Variants in PCDHGA11 observed in about 807,000 individuals in gnomAD.
PCDHGA11 encodes the protein protocadherin gamma subfamily A, 11, also known as protocadherin gamma-A11.
PCDHGA11 carries 39 observed loss-of-function variants against 60.4 expected under a neutral mutation model. The observed-to-expected ratio is 0.65, with a 90% confidence interval of 0.50 to 0.84. PCDHGA11 has a LOEUF of 0.84. PCDHGA11 is among the 40% of genes least tolerant of loss of function. The pLI is 0.00. For missense variants in PCDHGA11, 1,165 were observed against 1,197.7 expected (o/e 0.97, Z 0.40); for synonymous variants, 533 against 510.3 (o/e 1.04, Z -0.60).
Position 141,511,334 on chromosome 5 carries a change from C to A in PCDHGA11, c.*161C>A. 7.0e-7 allele frequency: 1 copy of A among 1,438,700 alleles called. No homozygotes were observed. Among genetic ancestry groups the A allele is most frequent in the Non-Finnish European group, 9.2e-7 (1 of 1,083,314 alleles). 89.1% of individuals were successfully genotyped at this position (1,438,700 alleles called of 1,614,324 possible). On this transcript the variant is annotated 3_prime_UTR_variant, in exon 4 of 4. Coordinates refer to ENST00000398587, the MANE Select transcript of PCDHGA11 (RefSeq NM_018914.3). ...GAAACAGAAACAAGTGCCCAGTCAG[C>A]ACCTACCCCTTCCCCCCCAGGGGGT...
Position 141,485,096 on chromosome 5 carries a change from C to T in PCDHGA11, c.2434-9711C>T, listed in dbSNP as rs1166994104. On this transcript the variant is annotated intron_variant, in intron 1 of 3. Coordinates refer to ENST00000398587, the MANE Select transcript of PCDHGA11 (RefSeq NM_018914.3). This position sits in a 1 kb window ranked among gnomAD's most constrained non-coding sequence, Gnocchi z 5.7. The stretch of plus-strand genomic sequence containing the variant: ...CGCGGGGAAAGGGAGATAGGTGTCT[C>T]CAGCTGCTGTGGCTGTTTGGGGCGG... The T allele has an allele frequency of 1.8e-6, 2 of 1,125,566 alleles. No homozygotes were observed. The highest frequency in any genetic ancestry group is 3.1e-5 in the African/African-American group (2 of 64,908). 69.7% of individuals were successfully genotyped at this position (1,125,566 alleles called of 1,614,324 possible).
chr5:141,489,935 T>C lies in PCDHGA11; in HGVS notation c.2434-4872T>C. On this transcript the variant is annotated intron_variant, in intron 1 of 3. Coordinates refer to ENST00000398587, the MANE Select transcript of PCDHGA11 (RefSeq NM_018914.3). The surrounding 1 kb of genome is among the most constrained non-coding windows in gnomAD (Gnocchi z 4.5). ...GGGACCACCCTTATCTCTGTCATCG[T>C]GCTGGACATCAATGATAATGCTCCA... 1 of 1,614,216 alleles carries C rather than the reference T, an allele frequency of 6.2e-7. No individual in the cohort carries two copies.
chr5:141,431,907 T>A lies in PCDHGA11; in HGVS notation c.2433+8247T>A, dbSNP rs2097427946. 2 of 1,613,964 alleles carry A rather than the reference T, an allele frequency of 1.2e-6. No homozygotes were observed. Among genetic ancestry groups the A allele is most frequent in the South Asian group, 2.2e-5 (2 of 91,086 alleles). Reference sequence around the variant, plus strand: ...GATTCTGAGGAAAACGGACAGGTGATCTGTTTCATCCAAGGAAATCTGCCC... The same window carrying A: ...GATTCTGAGGAAAACGGACAGGTGAACTGTTTCATCCAAGGAAATCTGCCC... On this transcript the variant is annotated intron_variant, in intron 1 of 3. Transcript: ENST00000398587. This position sits in a 1 kb window ranked among gnomAD's most constrained non-coding sequence, Gnocchi z 4.8.
At chr5:141,510,028 C>A (rs962629835) in intron 3 of PCDHGA11, among the ~76,000 whole-genome samples, 1 of 152,164 alleles carries the variant, frequency 6.6e-6, no homozygotes, top group Non-Finnish European at 1.5e-5. Context: ...GCTGGCTGGG[C>A]TGTTATGTAG....
intron 1 of PCDHGA11, chr5:141,441,209 G>A (rs1276958461): frequency 1.3e-5 from 2 of 152,158 alleles, no homozygotes; most frequent in East Asian, 3.9e-4. Flanking sequence ...TCTGCACCTT[G>A]GACAGTAATC....
chr5:141,422,450 G>C lies in PCDHGA11; in HGVS notation c.1223G>C (p.Ser408Thr), dbSNP rs748354292. The change falls in exon 1 of 4, where the codon AGC becomes ACC. Residue 408 changes from serine (S) to threonine (T), a missense_variant. Coordinates refer to ENST00000398587, the MANE Select transcript of PCDHGA11 (RefSeq NM_018914.3). ...GGAAATTATTACAAATTGATAACAA[G>C]CAGAGTGCTGGACAGGGAGTTGGTC... is the stretch of plus-strand genomic sequence containing the variant. ...TYGNYYKLIT[S>T]RVLDRELVQS... 71 of 1,611,564 alleles carry C rather than the reference G, an allele frequency of 4.4e-5. No homozygotes were observed. Among genetic ancestry groups the C allele is most frequent in the Non-Finnish European group, 5.9e-5 (69 of 1,179,322 alleles).
chr5:141,478,752 G>A (rs2099475483), intron 1 of PCDHGA11: 2 of 1,521,420 alleles, frequency 1.3e-6, no homozygotes, highest in South Asian at 1.3e-5. Context: ...CATTTCAGGG[G>A]GAAGATACTT....
At chr5:141,497,461 A>G (rs541848982) in intron 2 of PCDHGA11, among the ~76,000 whole-genome samples, 2 of 151,526 alleles carry the variant, frequency 1.3e-5, no homozygotes, top group Admixed American at 1.3e-4. Context: ...GCTCTTGGAG[A>G]TATGGAGGAG....
At position 141,431,952 on chromosome 5, in the gene PCDHGA11, AC is replaced by A; in HGVS notation, c.2433+8293del. ...CTGCCCTTTAAATTAGAAAAATCTTACGGAAATTACTATAGTTTAGTCACAG... is the reference window on the plus strand; with the variant it reads ...CTGCCCTTTAAATTAGAAAAATCTTAGGAAATTACTATAGTTTAGTCACAG... On this transcript the variant is annotated intron_variant, in intron 1 of 3. Transcript: ENST00000398587. This position sits in a 1 kb window ranked among gnomAD's most constrained non-coding sequence, Gnocchi z 4.8. 1 of 1,614,166 alleles carries A rather than the reference AC, an allele frequency of 6.2e-7. No homozygotes were observed. The highest frequency in any genetic ancestry group is 1.1e-5 in the South Asian group (1 of 91,090).
rs561329093 is a variant in PCDHGA11 at position 141,509,163 on chromosome 5, C to A, written c.2582-1784C>A. Among the ~76,000 whole-genome samples the A allele has an allele frequency of 1.4e-4, 21 of 152,322 alleles. No individual in the cohort carries two copies. In the South Asian group the frequency reaches 4.1e-3, roughly 30 times the overall value. On this transcript the variant is annotated intron_variant, in intron 3 of 3. Coordinates refer to ENST00000398587, the MANE Select transcript of PCDHGA11 (RefSeq NM_018914.3). ...CATCCCGGCTCTCCCCTCCCGTGTG[C>A]CCTCCTCCTCTTATGCCGGCTTGAA...
chr5:141,490,561 A>G lies in PCDHGA11; in HGVS notation c.2434-4246A>G. On this transcript the variant is annotated intron_variant, in intron 1 of 3. Coordinates refer to ENST00000398587, the MANE Select transcript of PCDHGA11 (RefSeq NM_018914.3). This position sits in a 1 kb window ranked among gnomAD's most constrained non-coding sequence, Gnocchi z 5.4. Reference sequence around the variant, plus strand: ...TTCCCTACACAAACATCTCACCATCAGGCTCAACATTTCAGATGTCAATGA... The same window carrying G: ...TTCCCTACACAAACATCTCACCATCGGGCTCAACATTTCAGATGTCAATGA... 6.2e-7 allele frequency: 1 copy of G among 1,614,090 alleles called. No individual in the cohort carries two copies. The highest frequency in any genetic ancestry group is 8.5e-7 in the Non-Finnish European group (1 of 1,180,004).
Position 141,486,740 on chromosome 5 carries a change from T to G in PCDHGA11, c.2434-8067T>G. Reference sequence around the variant, plus strand: ...AGGAGCTGTTCATGCTACTCGATCCTTTGACTATGAGCAAACCCAGACACT... The same window carrying G: ...AGGAGCTGTTCATGCTACTCGATCCGTTGACTATGAGCAAACCCAGACACT... On this transcript the variant is annotated intron_variant, in intron 1 of 3. Transcript: ENST00000398587. This position sits in a 1 kb window ranked among gnomAD's most constrained non-coding sequence, Gnocchi z 5.0. 6.2e-7 allele frequency: 1 copy of G among 1,614,234 alleles called. No individual in the cohort carries two copies. The highest frequency in any genetic ancestry group is 8.5e-7 in the Non-Finnish European group (1 of 1,180,046).
In PCDHGA11 at chr5:141,431,339, T is replaced by A. The variant is rs1374646530; in HGVS notation, c.2433+7679T>A. 7.4e-6 allele frequency: 12 copies of A among 1,613,942 alleles called. No homozygotes were observed. In the Admixed American group the frequency reaches 1.2e-4, roughly 16 times the overall value. ...AGCCGACGGTAGTAAGTACCCCGAA[T>A]TGGTGCTGAAACGCGCCCTGGACCG... On this transcript the variant is annotated intron_variant, in intron 1 of 3. Coordinates refer to ENST00000398587, the MANE Select transcript of PCDHGA11 (RefSeq NM_018914.3). This position sits in a 1 kb window ranked among gnomAD's most constrained non-coding sequence, Gnocchi z 4.8.
chr5:141,433,164 A>G, intron 1 of PCDHGA11: 3 of 1,613,600 alleles, frequency 1.9e-6, no homozygotes, highest in Non-Finnish European at 2.5e-6. Context: ...TTTTCTAAAG[A>G]CAGTCATGGG....
chr5:141,503,598 CAAAA>C (rs765754054), intron 2 of PCDHGA11, among the ~76,000 whole-genome samples: 2 of 65,756 alleles, frequency 3.0e-5, no homozygotes. Flanking sequence ...GACTCCAGCT[CAAAA>C]AAAAAAAAAA....
Position 141,421,708 on chromosome 5 carries a change from C to T in PCDHGA11, c.481C>T (p.Pro161Ser), listed in dbSNP as rs2096594348. The T allele has an allele frequency of 1.9e-6, 3 of 1,613,780 alleles. No individual in the cohort carries two copies. Among genetic ancestry groups the T allele is most frequent in the South Asian group, 2.2e-5 (2 of 91,070 alleles). The part of the protein sequence containing the change: ...ARFALPNARD[P>S]DVGVNSLQSY... ...ATTTGCTCTTCCTAATGCTAGGGAT[C>T]CAGATGTGGGCGTGAACTCCCTCCA... is the stretch of plus-strand genomic sequence containing the variant. The change falls in exon 1 of 4, where the codon CCA (proline) becomes TCA (serine). Residue 161 changes from proline (P) to serine (S), a missense_variant. Pro to Ser is a moderately conservative substitution (Grantham distance 74). Transcript: ENST00000398587.
intron 1 of PCDHGA11, among the ~76,000 whole-genome samples, chr5:141,463,438 C>CTTTTTTTTTTTTT (rs71576115): frequency 9.7e-6 from 1 of 103,256 alleles, no homozygotes; most frequent in Non-Finnish European, 1.9e-5. Context: ...TTTCCTTCTC[C>CTTTTTTTTTTTTT]TTTTTTTTTT....
In PCDHGA11 at chr5:141,432,853, C is replaced by A. The variant is rs748301578; in HGVS notation, c.2433+9193C>A. 1.1e-5 allele frequency: 17 copies of A among 1,614,176 alleles called. No homozygotes were observed. Among genetic ancestry groups the A allele is most frequent in the East Asian group, 4.5e-5 (2 of 44,874 alleles). On this transcript the variant is annotated intron_variant, in intron 1 of 3. Transcript: ENST00000398587. The surrounding 1 kb of genome is among the most constrained non-coding windows in gnomAD (Gnocchi z 6.0). ...CTCTGTACCTGGTGGTAGCGGTGGC[C>A]GCGGTCTCCTGCGTCTTCCTGGCCT...
intron 1 of PCDHGA11, among the ~76,000 whole-genome samples, chr5:141,469,522 C>T (rs1409427974): frequency 2.6e-5 from 4 of 152,088 alleles, no homozygotes; most frequent in African/African-American, 9.7e-5. Flanking sequence ...TTGCAGTGAG[C>T]CAAGATTGTG....
Sources: allele counts gnomAD v4.1 joint callset (sites outside exome capture counted in the v4.1 genomes callset), GRCh38; gene constraint gnomAD v4.1.1; non-coding constraint Gnocchi (gnomAD v3.1); transcripts MANE v1.5; gene names NCBI Gene and HGNC (gene_info 2026-07-23, HGNC 2026-07-21).